The following TMEM65 variants were observed in gnomAD, a reference collection of about 807,000 sequenced individuals.
TMEM65 encodes transmembrane protein 65.
In TMEM65, 22 loss-of-function variants were observed where a neutral mutation model predicts 25.4. That is an observed-to-expected ratio of 0.86 (90% CI 0.62 to 1.23). The LOEUF is 1.23. TMEM65 is among the 50% of genes most tolerant of loss of function. The probability of loss-of-function intolerance (pLI) is 0.00; values close to 1 mark genes in which losing one functional copy is unlikely to be tolerated. For synonymous variants in TMEM65, 132 were observed against 126.2 expected, an observed-to-expected ratio of 1.05 and a Z score of -0.31; for missense variants, 262 against 308.2, an observed-to-expected ratio of 0.85 and a Z score of 1.12.
intron 1 of TMEM65, among the ~76,000 whole-genome samples, chr8:124,362,267 T>A (rs1814877094): frequency 6.6e-6 from 1 of 152,146 alleles, no homozygotes. Flanking sequence ...ATTTCATCTA[T>A]CTAGTTTAGA....
Position 124,310,576 on chromosome 8 carries a change from C to T in TMEM65, c.*3384G>A, listed in dbSNP as rs1282455879. The T allele has an allele frequency of 6.6e-6, 1 of 152,108 alleles. No individual in the cohort carries two copies. The highest frequency in any genetic ancestry group is 1.5e-5 in the Non-Finnish European group (1 of 68,026). 9.4% of individuals were successfully genotyped at this position (152,108 alleles called of 1,614,324 possible). A position where few individuals can be genotyped will look rare whatever the true frequency, so the allele number is the denominator to read the frequency against. ...GAGATGATAATGATAATAGCCCCAA[C>T]TTAATGTTGTCATTAAGGTGATTAA... On this transcript the variant is annotated 3_prime_UTR_variant, in exon 7 of 7. Transcript: ENST00000297632.
intron 1 of TMEM65, among the ~76,000 whole-genome samples, chr8:124,337,639 AATAAG>A (rs377392662): frequency 9.1e-4 from 139 of 152,162 alleles, no homozygotes; most frequent in African/African-American, 3.1e-3. Context: ...CTAAAGGTTA[AATAAG>A]ATAAGACAGT....
intron 2 of TMEM65, among the ~76,000 whole-genome samples, chr8:124,328,009 T>C (rs1011952825): frequency 3.9e-5 from 6 of 152,110 alleles, no homozygotes; most frequent in Non-Finnish European, 8.8e-5. Context: ...CAAATGCTAT[T>C]GCAAACTATA....
intron 6 of TMEM65, among the ~76,000 whole-genome samples, chr8:124,319,413 C>T (rs759772277): frequency 3.3e-5 from 5 of 152,268 alleles, no homozygotes; most frequent in South Asian, 4.1e-4. Flanking sequence ...CATACAATAG[C>T]TTTCCTGTCT....
chr8:124,328,874 C>T (rs1814398400), intron 2 of TMEM65, among the ~76,000 whole-genome samples: 1 of 151,816 alleles, frequency 6.6e-6, no homozygotes, highest in Admixed American at 6.6e-5. Flanking sequence ...TTCGATATTA[C>T]TATATTGAGC....
rs57541664 is a variant in TMEM65, at chr8:124,372,662, A to AGCCGCCGCCGCC, written c.-517_-506dup. ...CAAAGCAGCCGCGCTCCCGAGCCGC[A>AGCCGCCGCCGCC]GCCGCCGCCGCCGCCGCTACCCCTA... On this transcript the variant is annotated 5_prime_UTR_variant, in exon 1 of 7. Transcript: ENST00000297632. The AGCCGCCGCCGCC allele has an allele frequency of 3.7e-4, 60 of 161,018 alleles. 6 individuals are homozygous for AGCCGCCGCCGCC. The highest frequency in any genetic ancestry group is 6.4e-4 in the Non-Finnish European group (48 of 74,608). 10.0% of individuals were successfully genotyped at this position (161,018 alleles called of 1,614,324 possible).
intron 1 of TMEM65, among the ~76,000 whole-genome samples, chr8:124,357,829 C>CTTT (rs35830531): frequency 0.16 from 16,592 of 105,744 alleles, 2,026 homozygotes; most frequent in East Asian, 0.24. Context: ...ACTTTTTTAT[C>CTTT]TTTTTTTTTT....
chr8:124,342,014 G>C (rs1814588955), intron 1 of TMEM65, among the ~76,000 whole-genome samples: 1 of 151,954 alleles, frequency 6.6e-6, no homozygotes, highest in Admixed American at 6.6e-5. Context: ...TCATTTGTAT[G>C]GATGTGTTTC....
At chr8:124,361,370 G>C (rs752933872) in intron 1 of TMEM65, among the ~76,000 whole-genome samples, 2 of 151,616 alleles carry the variant, frequency 1.3e-5, no homozygotes, top group Non-Finnish European at 2.9e-5. Flanking sequence ...GGGAGGCAGA[G>C]GTTGCGGTGA....
At chr8:124,334,869 C>G (rs777955082) in intron 1 of TMEM65, among the ~76,000 whole-genome samples, 5 of 150,206 alleles carry the variant, frequency 3.3e-5, no homozygotes, top group African/African-American at 7.3e-5. Context: ...AAAATGATGT[C>G]AGATCAATAA....
chr8:124,326,085 A>C (rs1814362628), intron 3 of TMEM65, among the ~76,000 whole-genome samples: 1 of 152,070 alleles, frequency 6.6e-6, no homozygotes, highest in Non-Finnish European at 1.5e-5. Flanking sequence ...TGTTTTTAAA[A>C]GTTAGAGTCA....
chr8:124,323,683 T>A (rs569711338), intron 3 of TMEM65, among the ~76,000 whole-genome samples: 1 of 152,132 alleles, frequency 6.6e-6, no homozygotes, highest in Non-Finnish European at 1.5e-5. Context: ...CAGAGAAAAA[T>A]GCTTTAAAGC....
rs774211441 is a variant in TMEM65 at position 124,309,422 on chromosome 8, C to T, written c.*4538G>A. ...CTGTGCCATTTTCACCTACTGCTGT[C>T]AGTAAACATGCAAGAAGTAAGTATT... On this transcript the variant is annotated 3_prime_UTR_variant, in exon 7 of 7. Coordinates refer to ENST00000297632, the MANE Select transcript of TMEM65 (RefSeq NM_194291.3). The T allele has an allele frequency of 1.2e-4, 19 of 152,200 alleles. No homozygotes were observed. Among genetic ancestry groups the T allele is most frequent in the Non-Finnish European group, 2.2e-4 (15 of 68,050 alleles). 9.4% of individuals were successfully genotyped at this position (152,200 alleles called of 1,614,324 possible).
intron 6 of TMEM65, among the ~76,000 whole-genome samples, chr8:124,317,581 G>C (rs978447317): frequency 3.9e-5 from 6 of 152,142 alleles, no homozygotes; most frequent in African/African-American, 1.4e-4. Flanking sequence ...TCCGTCTCCA[G>C]AACTTTTCAT....
In TMEM65 at chr8:124,339,943, T is replaced by G. The variant is rs1439810633; in HGVS notation, c.305-9151A>C. Among the ~76,000 whole-genome samples, 3 of 152,050 alleles carry G rather than the reference T, an allele frequency of 2.0e-5. No homozygotes were observed. In the East Asian group the frequency reaches 5.8e-4, roughly 29 times the overall value. ...AGGGAAGTTTTAACCTAGATTAAAT[T>G]GCTCACTTGTGAGGTGTATCAGAAA... On this transcript the variant is annotated intron_variant, in intron 1 of 6. Coordinates refer to ENST00000297632, the MANE Select transcript of TMEM65 (RefSeq NM_194291.3).
intron 1 of TMEM65, among the ~76,000 whole-genome samples, chr8:124,348,393 C>T (rs1814666054): frequency 1.3e-5 from 2 of 151,864 alleles, no homozygotes; most frequent in Non-Finnish European, 2.9e-5. Flanking sequence ...TATTCCTTCC[C>T]TTCTTTTATG....
At chr8:124,369,012 A>C (rs970607547) in intron 1 of TMEM65, among the ~76,000 whole-genome samples, 2 of 152,222 alleles carry the variant, frequency 1.3e-5, no homozygotes, top group Non-Finnish European at 2.9e-5. Context: ...AATTACAAAA[A>C]TTGGGAAGAA....
At chr8:124,358,145 T>C (rs1238508090) in intron 1 of TMEM65, among the ~76,000 whole-genome samples, 3 of 152,144 alleles carry the variant, frequency 2.0e-5, no homozygotes, top group African/African-American at 7.2e-5. Flanking sequence ...TGTTATTGAC[T>C]CTACTCTGAC....
intron 4 of TMEM65, 45 bp downstream of exon 4, chr8:124,323,276 T>C: frequency 9.2e-7 from 1 of 1,092,896 alleles, no homozygotes; most frequent in Non-Finnish European, 1.3e-6. Flanking sequence ...CTGAAATGTT[T>C]TATAAGTGTA....
Sources: allele counts gnomAD v4.1 joint callset (sites outside exome capture counted in the v4.1 genomes callset), GRCh38; gene constraint gnomAD v4.1.1; transcripts MANE v1.5; gene names NCBI Gene and HGNC (gene_info 2026-07-23, HGNC 2026-07-21).